Variants in IL23R observed in about 807,000 individuals in gnomAD.
IL23R encodes the protein interleukin 23 receptor, also known as interleukin-23 receptor.
A neutral mutation model predicts 56.9 loss-of-function variants in IL23R; 34 were observed. The observed-to-expected ratio is 0.60, with a 90% CI of 0.45 to 0.80. IL23R has a LOEUF of 0.80. IL23R is among the 30% of genes least tolerant of loss of function. The pLI, the probability that IL23R is intolerant of heterozygous loss-of-function variation, is 0.00. For synonymous variants in IL23R, 230 were observed against 249.2 expected (o/e 0.92, Z 0.73); for missense variants, 635 against 730.0 (o/e 0.87, Z 1.50).
At chr1:67,167,246 T>A (rs1343778212) in intron 1 of IL23R, among the ~76,000 whole-genome samples, 1 of 152,148 alleles carries the variant, frequency 6.6e-6, no homozygotes, top group Non-Finnish European at 1.5e-5. Flanking sequence ...AATTTTTGTA[T>A]TTTTAGTAGG....
chr1:67,201,022 A>G (rs61780315), intron 5 of IL23R, 125 bp downstream of exon 5: 26,826 of 935,808 alleles, frequency 0.029, 492 homozygotes, highest in South Asian at 0.043. Flanking sequence ...AGAAACAGAA[A>G]TTACCCATAA....
chr1:67,216,655 T>G (rs1412876865), intron 6 of IL23R, among the ~76,000 whole-genome samples: 4 of 152,200 alleles, frequency 2.6e-5, no homozygotes, highest in Admixed American at 2.6e-4. Flanking sequence ...TCACATAATT[T>G]CCATACATCA....
At chr1:67,264,972 C>T (rs1428505503), downstream of IL23R, among the ~76,000 whole-genome samples, 1 of 152,174 alleles carries the variant, frequency 6.6e-6, no homozygotes, top group Non-Finnish European at 1.5e-5. Flanking sequence ...AACAGTGTTA[C>T]AGAAGCATAA....
chr1:67,218,279 T>TATATAC (rs1553293247), intron 6 of IL23R, among the ~76,000 whole-genome samples: 7 of 149,938 alleles, frequency 4.7e-5, no homozygotes, highest in African/African-American at 1.7e-4. Flanking sequence ...CACATATATA[T>TATATAC]ATATATACAT....
Position 67,200,774 on chromosome 1 carries a change from A to G in IL23R, c.529A>G (p.Ser177Gly), listed in dbSNP as rs774037829. Residue 177 changes from serine (S) to glycine (G), a missense_variant, in exon 5 of 11, where the codon AGC (serine) becomes GGC (glycine). Transcript: ENST00000347310. ...AGAAGAGCAACAGTATCTCACCTCA[A>G]GCTATATTAACATCTCCACTGATTC... ...TEEEQQYLTS[S>G]YINISTDSLQ... 1 of 1,614,016 alleles carries G rather than the reference A, an allele frequency of 6.2e-7. No homozygotes were observed. The highest frequency in any genetic ancestry group is 8.5e-7 in the Non-Finnish European group (1 of 1,179,962).
chr1:67,239,860 G>T (rs544308677), intron 8 of IL23R, among the ~76,000 whole-genome samples: 49 of 152,260 alleles, frequency 3.2e-4, no homozygotes, highest in African/African-American at 1.0e-3. Flanking sequence ...TGTCAGACAA[G>T]CCAAATGAAG....
At chr1:67,201,974 TG>T (rs1157961571) in intron 5 of IL23R, among the ~76,000 whole-genome samples, 10 of 152,214 alleles carry the variant, frequency 6.6e-5, no homozygotes, top group Admixed American at 5.2e-4. Flanking sequence ...AACAACTTTG[TG>T]GCTGAATTTT....
intron 7 of IL23R, among the ~76,000 whole-genome samples, chr1:67,228,743 A>G (rs372792601): frequency 6.6e-6 from 1 of 152,046 alleles, no homozygotes; most frequent in Admixed American, 6.6e-5. Flanking sequence ...GGCTGCCTAC[A>G]TTCCTCAGCT....
rs556441143 is a variant in IL23R, at chr1:67,191,834, C to T, written c.491+8875C>T. On this transcript the variant is annotated intron_variant, in intron 4 of 10. Transcript: ENST00000347310. Reference sequence around the variant, plus strand: ...ATTTAATGTAGCTCTTCACTTCCTCCATTTGGCTTCCAGGACAGGACTCCC... The same window carrying T: ...ATTTAATGTAGCTCTTCACTTCCTCTATTTGGCTTCCAGGACAGGACTCCC... 2.7e-4 allele frequency among the ~76,000 whole-genome samples: 41 copies of T among 152,306 alleles called. No individual in the cohort carries two copies. The South Asian group carries it at 8.5e-3, about 32-fold the overall frequency.
chr1:67,191,061 A>G (rs1570814872), intron 4 of IL23R, among the ~76,000 whole-genome samples: 1 of 152,202 alleles, frequency 6.6e-6, no homozygotes, highest in South Asian at 2.1e-4. Flanking sequence ...TTGTGGCTGG[A>G]GACAAACAGA....
intron 4 of IL23R, among the ~76,000 whole-genome samples, chr1:67,197,130 A>C (rs1228850851): frequency 6.6e-6 from 1 of 151,974 alleles, no homozygotes; most frequent in Admixed American, 6.6e-5. Context: ...TAGGGAAAGA[A>C]ACCCAGGTGG....
intron 1 of IL23R, among the ~76,000 whole-genome samples, chr1:67,147,255 C>T (rs1646687745): frequency 6.6e-6 from 1 of 152,090 alleles, no homozygotes; most frequent in Non-Finnish European, 1.5e-5. Context: ...TTACCTGCTC[C>T]CCACAGAAAT....
At chr1:67,260,702 G>C (rs187590990), downstream of IL23R, among the ~76,000 whole-genome samples, 11 of 152,174 alleles carry the variant, frequency 7.2e-5, no homozygotes, top group African/African-American at 2.4e-4. Flanking sequence ...AATATTTATG[G>C]GCAAGGACAA....
At chr1:67,164,236 C>T (rs572462506), upstream of IL23R, among the ~76,000 whole-genome samples, 1 of 152,322 alleles carries the variant, frequency 6.6e-6, no homozygotes, top group East Asian at 1.9e-4. Context: ...TGACTCACGC[C>T]TGTAATCCCA....
At chr1:67,168,587 T>A (rs1646901472) in intron 2 of IL23R, among the ~76,000 whole-genome samples, 1 of 152,184 alleles carries the variant, frequency 6.6e-6, no homozygotes, top group Admixed American at 6.5e-5. Context: ...TGTGGGCCAT[T>A]GGCAAGAGTA....
chr1:67,265,066 CT>C, the IL23R span, among the ~76,000 whole-genome samples: 259 of 152,276 alleles, frequency 1.7e-3, 1 homozygote, highest in African/African-American at 5.1e-3. Flanking sequence ...AAATTAGAGA[CT>C]GTCAGAGCAC....
At chr1:67,168,703 T>C (rs78802158) in intron 2 of IL23R, among the ~76,000 whole-genome samples, 1 of 152,212 alleles carries the variant, frequency 6.6e-6, no homozygotes, top group Non-Finnish European at 1.5e-5. Flanking sequence ...GATTCTACAG[T>C]GCCTAGTGTT....
downstream of IL23R, among the ~76,000 whole-genome samples, chr1:67,263,870 A>C (rs1653277987): frequency 6.6e-6 from 1 of 152,164 alleles, no homozygotes; most frequent in African/African-American, 2.4e-5. Flanking sequence ...TCGCAAAAAA[A>C]AAAAAAAGCA....
chr1:67,182,943 G>A lies in IL23R; in HGVS notation c.475G>A (p.Val159Met), dbSNP rs555691349. The A allele has an allele frequency of 4.6e-5, 75 of 1,613,980 alleles. 2 individuals carry two copies. In the South Asian group the frequency reaches 6.0e-4, roughly 13 times the overall value. ...GKLTYIDTKY[V>M]VHVKSLETEE... ...GCTCACCTACATAGACACAAAATAC[G>A]TGGTACATGTGAAGAGGTAGGTCAC... is the stretch of plus-strand genomic sequence containing the variant. Residue 159 changes from valine to methionine, a missense_variant, in exon 4 of 11, where the codon GTG (valine) becomes ATG (methionine). By Grantham distance (21) the Val-to-Met change is conservative. Transcript: ENST00000347310.
Sources: gnomAD v4.1 joint callset for allele counts (sites outside exome capture counted in the v4.1 genomes callset) on GRCh38, gnomAD v4.1.1 for gene constraint, MANE v1.5 for transcripts, NCBI Gene and HGNC (gene_info 2026-07-23, HGNC 2026-07-21) for gene names.